TENM2: variants seen among roughly 807,000 people sequenced by gnomAD.
The protein encoded by TENM2 is teneurin-2.
Under a neutral mutation model 245.2 loss-of-function variants are expected in TENM2, and 52 were observed. That is an observed-to-expected ratio of 0.21 (90% CI 0.17 to 0.27). The LOEUF (loss-of-function observed/expected upper bound fraction) is 0.27. Ranked by LOEUF, TENM2 falls within the 10% of genes least tolerant of loss-of-function variation. The pLI is 1.00. For missense variants in TENM2, 3,046 were observed against 3,666.8 expected, an observed-to-expected ratio of 0.83 and a Z score of 4.37; for synonymous variants, 1,363 against 1,438.9, an observed-to-expected ratio of 0.95 and a Z score of 1.19.
chr5:168,247,950 T>C lies in TENM2; in HGVS notation c.7011T>C (p.Asn2337=). The change falls in exon 27 of 29, where the codon AAT becomes AAC. Residue 2337 remains asparagine (N), a synonymous_variant. Transcript: ENST00000518659. The surrounding 1 kb of genome is among the most constrained non-coding windows in gnomAD (Gnocchi z 7.8). ...CGACGCGCATCACCCATGTCTACAA[T>C]CACTCCAACTCGGAGATTACCTCAC... 6.2e-7 allele frequency: 1 copy of C among 1,613,914 alleles called. No homozygotes were observed. The highest frequency in any genetic ancestry group is 8.5e-7 in the Non-Finnish European group (1 of 1,179,876).
chr5:167,766,366 C>G (rs1033282738), intron 2 of TENM2, among the ~76,000 whole-genome samples: 1 of 152,078 alleles, frequency 6.6e-6, no homozygotes, highest in Non-Finnish European at 1.5e-5. Flanking sequence ...AAGAGATTCC[C>G]GCAGTTAACA....
At chr5:167,035,227 G>GA in the TENM2 span, among the ~76,000 whole-genome samples, 123 of 146,124 alleles carry the variant, frequency 8.4e-4, no homozygotes, top group Non-Finnish European at 1.3e-3. Flanking sequence ...CACTCTATTG[G>GA]AAAAAAAAAA....
intron 2 of TENM2, among the ~76,000 whole-genome samples, chr5:167,806,666 G>A (rs142053419): frequency 3.9e-5 from 6 of 152,192 alleles, no homozygotes; most frequent in South Asian, 2.1e-4. Flanking sequence ...CATCAACTGC[G>A]AAGTTTTGGG....
At chr5:168,155,431 T>C (rs1289288675) in intron 12 of TENM2, among the ~76,000 whole-genome samples, 1 of 151,212 alleles carries the variant, frequency 6.6e-6, no homozygotes, top group East Asian at 1.9e-4. Context: ...ATTAAGTTAA[T>C]ATTCAAAAGC....
the TENM2 span, among the ~76,000 whole-genome samples, chr5:167,227,702 C>T: frequency 2.0e-5 from 3 of 152,158 alleles, no homozygotes; most frequent in South Asian, 6.2e-4. Context: ...TTGTCTTTGA[C>T]ATTAGAGTTT....
At chr5:167,774,374 C>T (rs1371826496) in intron 2 of TENM2, among the ~76,000 whole-genome samples, 2 of 152,144 alleles carry the variant, frequency 1.3e-5, no homozygotes, top group Admixed American at 6.6e-5. Flanking sequence ...GTTAACACCC[C>T]TTAGAGTTTA....
At chr5:167,472,496 T>C (rs1767094913) in intron 2 of TENM2, among the ~76,000 whole-genome samples, 1 of 152,204 alleles carries the variant, frequency 6.6e-6, no homozygotes, top group African/African-American at 2.4e-5. Flanking sequence ...TTCACTGCTA[T>C]CCATCATGCC....
chr5:167,899,176 C>T (rs1249670143), intron 3 of TENM2, among the ~76,000 whole-genome samples: 7 of 151,986 alleles, frequency 4.6e-5, no homozygotes. Context: ...AGGACCGAAC[C>T]TCCAATAATG....
intron 1 of TENM2, among the ~76,000 whole-genome samples, chr5:167,368,520 G>T (rs77294078): frequency 6.6e-6 from 1 of 151,908 alleles, no homozygotes; most frequent in Non-Finnish European, 1.5e-5. Context: ...AGATTTTCTT[G>T]GTACGCGATA....
At chr5:167,299,151 A>G (rs760595090) in intron 1 of TENM2, among the ~76,000 whole-genome samples, 1 of 152,104 alleles carries the variant, frequency 6.6e-6, no homozygotes, top group Non-Finnish European at 1.5e-5. Context: ...AGTCCGTTCT[A>G]CCTTTCCTGA....
intron 2 of TENM2, among the ~76,000 whole-genome samples, chr5:167,645,417 A>T (rs1779864750): frequency 6.6e-6 from 1 of 152,158 alleles, no homozygotes; most frequent in Non-Finnish European, 1.5e-5. Context: ...TGGAGTTGCC[A>T]CAGGGACTCA....
At chr5:167,671,712 G>A (rs186632953) in intron 2 of TENM2, among the ~76,000 whole-genome samples, 12 of 150,392 alleles carry the variant, frequency 8.0e-5, no homozygotes, top group East Asian at 5.8e-4. Flanking sequence ...TATATTCTAC[G>A]TAAATAAAAT....
chr5:168,214,533 G>A (rs1340524591), intron 20 of TENM2, among the ~76,000 whole-genome samples: 2 of 152,202 alleles, frequency 1.3e-5, no homozygotes, highest in Admixed American at 6.5e-5. Context: ...GAGATTGGGG[G>A]CGGTTATGGG....
At chr5:168,210,583 C>G (rs931743713) in intron 19 of TENM2, among the ~76,000 whole-genome samples, 1 of 151,574 alleles carries the variant, frequency 6.6e-6, no homozygotes, top group Non-Finnish European at 1.5e-5. Flanking sequence ...TCAGTCAGAG[C>G]TCAGAAGTTA....
the TENM2 span, among the ~76,000 whole-genome samples, chr5:166,998,142 G>A: frequency 6.6e-6 from 1 of 152,070 alleles, no homozygotes; most frequent in Non-Finnish European, 1.5e-5. Flanking sequence ...CAAAAGGAAC[G>A]ATACATGCAA....
intron 2 of TENM2, among the ~76,000 whole-genome samples, chr5:167,860,224 C>A: frequency 7.3e-6 from 1 of 136,822 alleles, no homozygotes; most frequent in Non-Finnish European, 1.6e-5. Flanking sequence ...GCCGCCCCGT[C>A]CGGGAGGGAG....
intron 13 of TENM2, among the ~76,000 whole-genome samples, chr5:168,181,446 A>G (rs1759879127): frequency 6.6e-6 from 1 of 152,166 alleles, no homozygotes; most frequent in African/African-American, 2.4e-5. Context: ...CCTAAAGAGT[A>G]GAAAAGCCAG....
intron 1 of TENM2, among the ~76,000 whole-genome samples, chr5:167,374,979 T>A (rs568644997): frequency 2.0e-5 from 3 of 152,256 alleles, no homozygotes; most frequent in African/African-American, 7.2e-5. Flanking sequence ...AATCTGAGCA[T>A]TTTGTCCTAT....
intron 2 of TENM2, among the ~76,000 whole-genome samples, chr5:167,442,005 C>A (rs566688707): frequency 1.3e-5 from 2 of 151,702 alleles, no homozygotes; most frequent in Non-Finnish European, 2.9e-5. Context: ...TTTGTTTATG[C>A]CAAAGAAAAG....
Sources: allele counts gnomAD v4.1 joint callset (sites outside exome capture counted in the v4.1 genomes callset), GRCh38; gene constraint gnomAD v4.1.1; non-coding constraint Gnocchi (gnomAD v3.1); transcripts MANE v1.5; gene names NCBI Gene and HGNC (gene_info 2026-07-23, HGNC 2026-07-21).